The following SLC49A4 variants were observed in gnomAD, a reference collection of about 807,000 sequenced individuals.
SLC49A4 encodes the protein disrupted in renal cancer protein 2.
A neutral mutation model predicts 50.6 loss-of-function variants in SLC49A4; 36 were observed. The ratio of observed to expected loss-of-function variants is 0.71; its 90% confidence interval spans 0.55 to 0.94. SLC49A4 has a LOEUF of 0.94. Among genes scored for constraint, SLC49A4 ranks in the 40% least tolerant of loss-of-function variants. SLC49A4 has a pLI of 0.00. For missense variants in SLC49A4, 503 were observed against 605.7 expected (o/e 0.83, Z 1.78); for synonymous variants, 248 against 241.2 (o/e 1.03, Z -0.26).
At chr3:122,827,122 C>A in intron 3 of SLC49A4, 57 bp downstream of exon 3, 1 of 1,551,818 alleles carries the variant, frequency 6.4e-7, no homozygotes, top group Non-Finnish European at 8.7e-7. Flanking sequence ...CAATCATCTT[C>A]ACTCTACTTT....
At chr3:122,835,983 A>G (rs1205036486) in intron 4 of SLC49A4, among the ~76,000 whole-genome samples, 1 of 152,202 alleles carries the variant, frequency 6.6e-6, no homozygotes, top group Non-Finnish European at 1.5e-5. Context: ...GAATCAAATG[A>G]ATAACTCAGT....
intron 5 of SLC49A4, among the ~76,000 whole-genome samples, chr3:122,852,703 C>G (rs1170483044): frequency 1.3e-5 from 2 of 152,120 alleles, no homozygotes; most frequent in African/African-American, 2.4e-5. Context: ...CTTCAGAGTG[C>G]CCAGTTAAAA....
chr3:122,848,468 G>T (rs1442280325), intron 5 of SLC49A4, among the ~76,000 whole-genome samples: 2 of 151,954 alleles, frequency 1.3e-5, no homozygotes, highest in African/African-American at 2.4e-5. Flanking sequence ...TATATTTACA[G>T]ATCATTTTCA....
Sources: allele counts gnomAD v4.1 joint callset (sites outside exome capture counted in the v4.1 genomes callset), GRCh38; gene constraint gnomAD v4.1.1; transcripts MANE v1.5; gene names NCBI Gene and HGNC (gene_info 2026-07-23, HGNC 2026-07-21).